Variants in SLC25A17 observed in about 807,000 individuals in gnomAD.
SLC25A17 encodes solute carrier family 25 member 17.
Under a neutral mutation model 38.5 loss-of-function variants are expected in SLC25A17, and 26 were observed. That is an observed-to-expected ratio of 0.68 (90% CI 0.50 to 0.94). The LOEUF (loss-of-function observed/expected upper bound fraction) is 0.94. SLC25A17 is among the 40% of genes least tolerant of loss of function. SLC25A17 has a pLI of 0.00. For synonymous variants in SLC25A17, 139 were observed against 136.2 expected (o/e 1.02, Z -0.14); for missense variants, 333 against 372.7 (o/e 0.89, Z 0.88).
intron 4 of SLC25A17, among the ~76,000 whole-genome samples, chr22:40,781,566 C>T (rs2057295223): frequency 6.6e-6 from 1 of 152,140 alleles, no homozygotes; most frequent in Non-Finnish European, 1.5e-5. Context: ...TTCTCAAGGA[C>T]AACCTCAAGT....
intron 3 of SLC25A17, among the ~76,000 whole-genome samples, chr22:40,793,801 G>A (rs1012494131): frequency 1.3e-5 from 2 of 152,054 alleles, no homozygotes; most frequent in Non-Finnish European, 2.9e-5. Context: ...TAGTAAAGAC[G>A]GGGTTTCTCC....
chr22:40,806,451 T>C (rs1402263191), intron 1 of SLC25A17, among the ~76,000 whole-genome samples: 1 of 152,154 alleles, frequency 6.6e-6, no homozygotes, highest in Non-Finnish European at 1.5e-5. Context: ...AATGCTTAGC[T>C]GAGCTTGCAA....
intron 4 of SLC25A17, among the ~76,000 whole-genome samples, chr22:40,790,645 CAG>C (rs1418730744): frequency 6.6e-6 from 1 of 152,118 alleles, no homozygotes; most frequent in African/African-American, 2.4e-5. Context: ...GAGAGTAACA[CAG>C]GGGTGGTATA....
intron 7 of SLC25A17, among the ~76,000 whole-genome samples, 191 bp downstream of exon 7, chr22:40,776,849 G>A (rs1214245933): frequency 6.6e-6 from 1 of 152,040 alleles, no homozygotes; most frequent in East Asian, 1.9e-4. Context: ...GACCCATGGT[G>A]CACCACGGTA....
intron 5 of SLC25A17, 123 bp from the exon 6 acceptor site, chr22:40,777,496 T>C: frequency 8.4e-7 from 1 of 1,183,908 alleles, no homozygotes; most frequent in Non-Finnish European, 1.2e-6. Flanking sequence ...AAGATTTCCT[T>C]CTTGCAGCCG....
rs760524924 is a variant in SLC25A17 at position 40,779,174 on chromosome 22, T to C, written c.335-49A>G. ...AAAAGGGAAGGCAAAATGTCAGCTT[T>C]TAAGCTTTGCTGCTTTAAAGCTACA... On this transcript the variant is annotated intron_variant, in intron 4 of 8. Transcript: ENST00000435456. 6.2e-6 allele frequency: 10 copies of C among 1,613,796 alleles called. No homozygotes were observed. In the South Asian group the frequency reaches 9.9e-5, roughly 16 times the overall value.
Position 40,804,237 on chromosome 22 carries a change from G to A in SLC25A17, c.55-5154C>T, listed in dbSNP as rs2057509526. Among the ~76,000 whole-genome samples the A allele has an allele frequency of 3.9e-5, 6 of 152,262 alleles. No homozygotes were observed. The South Asian group carries it at 8.3e-4, about 21-fold the overall frequency. On this transcript the variant is annotated intron_variant, in intron 1 of 8. Coordinates refer to ENST00000435456, the MANE Select transcript of SLC25A17 (RefSeq NM_006358.4). ...GAAGATTTCAGGGCCTCAGCTGGTTGAGGAATGGTAGAGACAATCCATCCT... is the reference window on the plus strand; with the variant it reads ...GAAGATTTCAGGGCCTCAGCTGGTTAAGGAATGGTAGAGACAATCCATCCT...
chr22:40,803,242 T>C (rs917325051), intron 1 of SLC25A17, among the ~76,000 whole-genome samples: 4 of 152,170 alleles, frequency 2.6e-5, no homozygotes, highest in African/African-American at 9.7e-5. Context: ...TGCAGCCCTG[T>C]GCCACCACAG....
At chr22:40,781,485 T>G (rs1275316564) in intron 4 of SLC25A17, among the ~76,000 whole-genome samples, 1 of 152,084 alleles carries the variant, frequency 6.6e-6, no homozygotes, top group Non-Finnish European at 1.5e-5. Flanking sequence ...GACCTCGTGA[T>G]CCGCCCGCCT....
intron 1 of SLC25A17, among the ~76,000 whole-genome samples, chr22:40,804,900 G>T (rs977717798): frequency 2.6e-5 from 4 of 151,908 alleles, no homozygotes; most frequent in Admixed American, 2.6e-4. Flanking sequence ...ACTTAAGCCA[G>T]GAGTTTGAGA....
chr22:40,802,955 G>A (rs79961786), intron 1 of SLC25A17, among the ~76,000 whole-genome samples: 4,488 of 152,258 alleles, frequency 0.029, 216 homozygotes, highest in African/African-American at 0.1. Context: ...TGTACACACT[G>A]TATAATGATC....
At chr22:40,798,458 G>C (rs2057449850) in intron 2 of SLC25A17, among the ~76,000 whole-genome samples, 1 of 151,968 alleles carries the variant, frequency 6.6e-6, no homozygotes, top group African/African-American at 2.4e-5. Flanking sequence ...CTGTAATCTG[G>C]AGCAGGAAGT....
chr22:40,785,386 AAAAC>A, intron 4 of SLC25A17, among the ~76,000 whole-genome samples: 1 of 152,360 alleles, frequency 6.6e-6, no homozygotes, highest in South Asian at 2.1e-4. Flanking sequence ...TCCTTCTCAA[AAAAC>A]AAACAAAAAA....
At chr22:40,797,687 T>C (rs952269402) in intron 2 of SLC25A17, among the ~76,000 whole-genome samples, 4 of 152,106 alleles carry the variant, frequency 2.6e-5, no homozygotes, top group Admixed American at 2.6e-4. Flanking sequence ...AAAATAAACC[T>C]TAAAAATAAA....
chr22:40,814,569 CTTTTA>C (rs1221098089), intron 1 of SLC25A17, among the ~76,000 whole-genome samples: 1 of 151,900 alleles, frequency 6.6e-6, no homozygotes, highest in African/African-American at 2.4e-5. Context: ...TGTAACTTGT[CTTTTA>C]TAACTGAAAT....
intron 4 of SLC25A17, chr22:40,779,731 C>G (rs1017126537): frequency 6.4e-6 from 1 of 156,182 alleles, no homozygotes; most frequent in Non-Finnish European, 1.4e-5. Context: ...ACACCTGAAA[C>G]AGCTTCACAA....
chr22:40,816,198 C>CA (rs566246442), intron 1 of SLC25A17, among the ~76,000 whole-genome samples: 4,580 of 81,702 alleles, frequency 0.056, 245 homozygotes, highest in African/African-American at 0.17. Context: ...AACTCCATCT[C>CA]AAAAAAAAAA....
intron 1 of SLC25A17, among the ~76,000 whole-genome samples, chr22:40,805,235 TGAGGCAGGAGAATCGCTTGAACCTGG>T (rs1283746364): frequency 1.3e-5 from 2 of 152,190 alleles, no homozygotes; most frequent in Non-Finnish European, 2.9e-5. Flanking sequence ...CTCGGGAGGC[TGAGGCAGGAGAATCGCTTGAACCTGG>T]GAGGCAGGAG....
intron 1 of SLC25A17, among the ~76,000 whole-genome samples, chr22:40,812,186 C>T (rs756371176): frequency 2.3e-4 from 35 of 152,054 alleles, no homozygotes; most frequent in Non-Finnish European, 3.4e-4. Context: ...TGAGCCACCA[C>T]GCCCAGCCTG....
Sources: gnomAD v4.1 joint callset for allele counts (sites outside exome capture counted in the v4.1 genomes callset) on GRCh38, gnomAD v4.1.1 for gene constraint, MANE v1.5 for transcripts, NCBI Gene and HGNC (gene_info 2026-07-23, HGNC 2026-07-21) for gene names.